The following ZHX2 variants were observed in gnomAD, a reference collection of about 807,000 sequenced individuals.
The protein encoded by ZHX2 is zinc fingers and homeoboxes 2, also known as zinc fingers and homeoboxes protein 2.
A neutral mutation model predicts 21.9 loss-of-function variants in ZHX2; 6 were observed. That is an observed-to-expected ratio of 0.27 (90% CI 0.15 to 0.54). The LOEUF is 0.54. Among genes scored for constraint, ZHX2 ranks in the 20% least tolerant of loss-of-function variants. The pLI, the probability that ZHX2 is intolerant of heterozygous loss-of-function variation, is 0.95. For synonymous variants in ZHX2, 434 were observed against 437.1 expected, an observed-to-expected ratio of 0.99 and a Z score of 0.09; for missense variants, 908 against 1,090.7, an observed-to-expected ratio of 0.83 and a Z score of 2.36.
chr8:122,784,298 T>A (rs1228252676), intron 1 of ZHX2, among the ~76,000 whole-genome samples: 1 of 152,250 alleles, frequency 6.6e-6, no homozygotes, highest in Non-Finnish European at 1.5e-5. Flanking sequence ...CTGTATATTT[T>A]ACGTGCTTTA....
chr8:122,963,536 A>T (rs1258009966), intron 3 of ZHX2, among the ~76,000 whole-genome samples: 1 of 152,144 alleles, frequency 6.6e-6, no homozygotes, highest in Non-Finnish European at 1.5e-5. Context: ...CTTGTAATAT[A>T]GTTTGAAGTA....
In ZHX2 at chr8:122,820,804, C is replaced by T. The variant is rs186551999; in HGVS notation, c.-283+38858C>T. Among the ~76,000 whole-genome samples, 980 of 152,194 alleles carry T rather than the reference C, an allele frequency of 6.4e-3. 6 individuals are homozygous for T. The highest frequency in any genetic ancestry group is 0.014 in the Middle Eastern group (4 of 294). On this transcript the variant is annotated intron_variant, in intron 1 of 3. Transcript: ENST00000314393. ...AATAAGAATAAAAATCAGCTGTCTC[C>T]GAATATTAAAGGTGTCTCTCTGGTT...
chr8:122,849,969 C>T (rs11781037), intron 1 of ZHX2, among the ~76,000 whole-genome samples: 30,616 of 152,140 alleles, frequency 0.2, 3,357 homozygotes, highest in Middle Eastern at 0.36. Context: ...TCACCATCAT[C>T]ATAGCCAACT....
chr8:122,816,469 CAG>C (rs1213818173), intron 1 of ZHX2: 1 of 129,952 alleles, frequency 7.7e-6, no homozygotes, highest in African/African-American at 3.0e-5. Context: ...TTTTTTGAGA[CAG>C]AGTCTTGCTC....
At chr8:122,910,242 C>T (rs918871468) in intron 2 of ZHX2, among the ~76,000 whole-genome samples, 2 of 152,080 alleles carry the variant, frequency 1.3e-5, no homozygotes, top group African/African-American at 2.4e-5. Flanking sequence ...TTACCTTATT[C>T]AGTCCCCACT....
intron 1 of ZHX2, among the ~76,000 whole-genome samples, chr8:122,824,275 T>C (rs1344630798): frequency 6.6e-6 from 1 of 152,174 alleles, no homozygotes; most frequent in Non-Finnish European, 1.5e-5. Context: ...CACCTGTGCA[T>C]TGGCTCACTC....
chr8:122,831,383 G>A (rs985327537), intron 1 of ZHX2, among the ~76,000 whole-genome samples: 16 of 152,204 alleles, frequency 1.1e-4, no homozygotes, highest in Non-Finnish European at 1.6e-4. Flanking sequence ...AGTGAGGCTA[G>A]GGCGGAGACG....
intron 2 of ZHX2, among the ~76,000 whole-genome samples, chr8:122,911,232 C>T (rs1391632515): frequency 1.4e-5 from 2 of 144,768 alleles, no homozygotes; most frequent in Admixed American, 7.0e-5. Flanking sequence ...TATAGCTGTT[C>T]GTCTTCCCTG....
At chr8:122,809,865 G>T (rs1817891733) in intron 1 of ZHX2, among the ~76,000 whole-genome samples, 1 of 152,148 alleles carries the variant, frequency 6.6e-6, no homozygotes, top group South Asian at 2.1e-4. Flanking sequence ...ATTGTTTGAA[G>T]CTTACAAGAA....
chr8:122,888,335 T>G (rs1819891993), intron 2 of ZHX2, among the ~76,000 whole-genome samples: 1 of 152,164 alleles, frequency 6.6e-6, no homozygotes, highest in Non-Finnish European at 1.5e-5. Flanking sequence ...TTTCTATATA[T>G]GTATACAATA....
chr8:122,851,727 C>G (rs1818907387), intron 1 of ZHX2, among the ~76,000 whole-genome samples: 1 of 152,184 alleles, frequency 6.6e-6, no homozygotes, highest in Admixed American at 6.5e-5. Context: ...GAGGTCAGTA[C>G]TGTAATATCC....
chr8:122,868,711 A>C lies in ZHX2; in HGVS notation c.-220+5172A>C, dbSNP rs907789600. On this transcript the variant is annotated intron_variant, in intron 2 of 3. Transcript: ENST00000314393. The stretch of plus-strand genomic sequence containing the variant: ...GCAAGACTCCGTCAAAAAAAAAAAA[A>C]AAAAAAAAAATAGCCAGACATGGCG... 5.4e-4 allele frequency among the ~76,000 whole-genome samples: 82 copies of C among 151,842 alleles called. 1 individual carries two copies. The highest frequency in any genetic ancestry group is 1.9e-3 in the African/African-American group (78 of 41,442).
At chr8:122,836,698 C>T (rs183088708) in intron 1 of ZHX2, among the ~76,000 whole-genome samples, 2 of 152,340 alleles carry the variant, frequency 1.3e-5, no homozygotes, top group African/African-American at 4.8e-5. Flanking sequence ...TTGATCTTCA[C>T]GGGTACGTGT....
chr8:122,787,833 A>G (rs1181277760), intron 1 of ZHX2, among the ~76,000 whole-genome samples: 1 of 152,246 alleles, frequency 6.6e-6, no homozygotes, highest in African/African-American at 2.4e-5. Flanking sequence ...GCTCAAAAAC[A>G]TCTGCAGAAA....
intron 3 of ZHX2, among the ~76,000 whole-genome samples, chr8:122,966,775 C>G (rs2130364534): frequency 6.6e-6 from 1 of 152,280 alleles, no homozygotes; most frequent in African/African-American, 2.4e-5. Context: ...TTCTCTTCTT[C>G]CTCAGAAGCA....
intron 1 of ZHX2, among the ~76,000 whole-genome samples, chr8:122,843,074 G>T (rs912852441): frequency 1.3e-5 from 2 of 152,218 alleles, no homozygotes; most frequent in Non-Finnish European, 2.9e-5. Context: ...ACCTTTACTC[G>T]TGGGCCATGG....
At chr8:122,971,631 A>AAAAAAAAC (rs1813727620) in intron 3 of ZHX2, among the ~76,000 whole-genome samples, 2 of 150,464 alleles carry the variant, frequency 1.3e-5, no homozygotes, top group African/African-American at 2.5e-5. Flanking sequence ...AAAAAAAAAA[A>AAAAAAAAC]ATTCCTTCTC....
chr8:122,856,015 A>C (rs2130756058), intron 1 of ZHX2, among the ~76,000 whole-genome samples: 1 of 152,360 alleles, frequency 6.6e-6, no homozygotes. Flanking sequence ...TCAAGAGGCT[A>C]TATGGGGGGA....
At chr8:122,904,494 G>A (rs4870825) in intron 2 of ZHX2, among the ~76,000 whole-genome samples, 87,875 of 151,882 alleles carry the variant, frequency 0.58, 26,244 homozygotes, top group African/African-American at 0.73. Flanking sequence ...AGTTAAGATC[G>A]TGTGGGAGCC....
Sources: gnomAD v4.1 joint callset for allele counts (sites outside exome capture counted in the v4.1 genomes callset) on GRCh38, gnomAD v4.1.1 for gene constraint, MANE v1.5 for transcripts, NCBI Gene and HGNC (gene_info 2026-07-23, HGNC 2026-07-21) for gene names.